Variants in ADA observed in about 807,000 individuals in gnomAD.
ADA encodes adenosine deaminase.
In ADA, 45 loss-of-function variants were observed where a neutral mutation model predicts 49.0. The observed-to-expected ratio is 0.92, with a 90% CI of 0.72 to 1.18. The LOEUF is 1.18. ADA is among the 50% of genes most tolerant of loss of function. ADA has a pLI of 0.00. For missense variants in ADA, 445 were observed against 472.5 expected (o/e 0.94, Z 0.54); for synonymous variants, 173 against 184.2 (o/e 0.94, Z 0.49).
Position 44,620,629 on chromosome 20 carries a change from C to T in ADA, c.976-228G>A, listed in dbSNP as rs187300129. On this transcript the variant is annotated intron_variant, in intron 10 of 11. Coordinates refer to ENST00000372874, the MANE Select transcript of ADA (RefSeq NM_000022.4). ...GCTGTGAGAAGGAAGTTGGAGAAACCTTTGAGAGACAGGGTGGCATGTAGG... is the reference window on the plus strand; with the variant it reads ...GCTGTGAGAAGGAAGTTGGAGAAACTTTTGAGAGACAGGGTGGCATGTAGG... 911 of 608,752 alleles carry T rather than the reference C, an allele frequency of 1.5e-3. 9 individuals are homozygous for T. The African/African-American group carries it at 0.015, about 10-fold the overall frequency. 37.7% of individuals were successfully genotyped at this position (608,752 alleles called of 1,614,324 possible). A position where few individuals can be genotyped will look rare whatever the true frequency, so the allele number is the denominator to read the frequency against.
At chr20:44,643,380 G>T (rs944565010) in intron 1 of ADA, among the ~76,000 whole-genome samples, 1 of 152,182 alleles carries the variant, frequency 6.6e-6, no homozygotes, top group African/African-American at 2.4e-5. Context: ...CCACTCTACT[G>T]TACTGCCTCT....
chr20:44,642,302 G>GCCT (rs1351493416), intron 1 of ADA, among the ~76,000 whole-genome samples: 6 of 152,220 alleles, frequency 3.9e-5, no homozygotes, highest in Non-Finnish European at 8.8e-5. Flanking sequence ...GCACAAGGTA[G>GCCT]CCTCTCCTGC....
intron 1 of ADA, among the ~76,000 whole-genome samples, chr20:44,641,832 A>G (rs2065538564): frequency 6.6e-6 from 1 of 150,808 alleles, no homozygotes; most frequent in Non-Finnish European, 1.5e-5. Context: ...CAGTGGCAAG[A>G]TCTCAGCTCA....
chr20:44,622,219 G>A (rs2065338801), intron 9 of ADA, among the ~76,000 whole-genome samples: 1 of 152,252 alleles, frequency 6.6e-6, no homozygotes, highest in Non-Finnish European at 1.5e-5. Context: ...CCAAGGGCCA[G>A]GTGTCAGGAA....
chr20:44,629,179 A>G lies in ADA; in HGVS notation c.96-10T>C. ...GGCGATCCCTCTCCTCCTGGAAACAAAACAGTGAGTGGTGGACCAACCCGG... is the reference window on the plus strand; with the variant it reads ...GGCGATCCCTCTCCTCCTGGAAACAGAACAGTGAGTGGTGGACCAACCCGG... On this transcript the variant is annotated splice_polypyrimidine_tract_variant and intron_variant, in intron 2 of 11. Coordinates refer to ENST00000372874, the MANE Select transcript of ADA (RefSeq NM_000022.4). 2 of 1,614,148 alleles carry G rather than the reference A, an allele frequency of 1.2e-6. No homozygotes were observed. The highest frequency in any genetic ancestry group is 2.2e-5 in the East Asian group (1 of 44,868).
chr20:44,619,644 C>T lies in ADA; in HGVS notation c.*190G>A, dbSNP rs2065308460. ...AGGGCGCTGGTCCCTGGCCAGGGCA[C>T]ATAATCAGAGAAGTGACGCGGCCAT... On this transcript the variant is annotated 3_prime_UTR_variant, in exon 12 of 12. Transcript: ENST00000372874. 1.4e-6 allele frequency: 1 copy of T among 709,044 alleles called. No individual in the cohort carries two copies. The highest frequency in any genetic ancestry group is 2.4e-6 in the Non-Finnish European group (1 of 413,222). The allele number at this position is 709,044 out of a possible 1,614,324, so 43.9% of individuals were successfully genotyped here.
chr20:44,634,324 A>T (rs2065460364), intron 2 of ADA, among the ~76,000 whole-genome samples: 1 of 152,234 alleles, frequency 6.6e-6, no homozygotes, highest in African/African-American at 2.4e-5. Context: ...ATTAATAAGA[A>T]TATTATCATT....
At chr20:44,651,521 C>T (rs1004460094) in intron 1 of ADA, 54 bp downstream of exon 1, 2 of 1,514,910 alleles carry the variant, frequency 1.3e-6, no homozygotes, top group Non-Finnish European at 8.8e-7. Flanking sequence ...CGCTAAGCCC[C>T]TCGGGCCGCC....
In ADA at chr20:44,620,428, A is replaced by G. The variant is rs1269167993; in HGVS notation, c.976-27T>C. 53 of 1,586,838 alleles carry G rather than the reference A, an allele frequency of 3.3e-5. No homozygotes were observed. The East Asian group carries it at 9.8e-4, about 29-fold the overall frequency. On this transcript the variant is annotated intron_variant, in intron 10 of 11. Coordinates refer to ENST00000372874, the MANE Select transcript of ADA (RefSeq NM_000022.4). ...TGGAAAGGCCAGAATGGCAGACAAC[A>G]TGGAACCAGAGAACAAAGAAGGCAG...
At chr20:44,638,847 G>A (rs1207708353) in intron 1 of ADA, among the ~76,000 whole-genome samples, 2 of 152,222 alleles carry the variant, frequency 1.3e-5, no homozygotes, top group South Asian at 2.1e-4. Flanking sequence ...GAGCCTGAGC[G>A]AAAAGCTAGA....
intron 6 of ADA, among the ~76,000 whole-genome samples, chr20:44,623,711 CTCTCTTTCTT>C (rs2065354304): frequency 6.7e-6 from 1 of 150,122 alleles, no homozygotes; most frequent in South Asian, 2.1e-4. Flanking sequence ...TCCTTCCTTC[CTCTCTTTCTT>C]TCTCTTTCTT....
chr20:44,650,877 G>A (rs903950103), intron 1 of ADA, among the ~76,000 whole-genome samples: 4 of 152,144 alleles, frequency 2.6e-5, no homozygotes, highest in Non-Finnish European at 4.4e-5. Flanking sequence ...AGGCCAAGGG[G>A]GTCCAGACCC....
chr20:44,640,435 T>C (rs2065521220), intron 1 of ADA, among the ~76,000 whole-genome samples: 1 of 143,902 alleles, frequency 6.9e-6, no homozygotes, highest in Admixed American at 7.0e-5. Flanking sequence ...TATTAACTTA[T>C]GGCGGGTGGA....
intron 1 of ADA, among the ~76,000 whole-genome samples, chr20:44,647,810 C>T (rs1200585655): frequency 1.3e-5 from 2 of 151,364 alleles, no homozygotes; most frequent in East Asian, 2.0e-4. Context: ...CCAGCTACTC[C>T]GGAGGCTGAG....
intron 10 of ADA, chr20:44,620,811 A>C: frequency 1.5e-6 from 1 of 666,980 alleles, no homozygotes; most frequent in Non-Finnish European, 2.6e-6. Context: ...AAGGCACTCA[A>C]CCCAAGCAAA....
Position 44,651,621 on chromosome 20 carries a change from GC to G in ADA, c.-15del. The G allele has an allele frequency of 6.5e-7, 1 of 1,527,446 alleles. No homozygotes were observed. Among genetic ancestry groups the G allele is most frequent in the Non-Finnish European group, 8.7e-7 (1 of 1,144,696 alleles). 94.6% of individuals were successfully genotyped at this position (1,527,446 alleles called of 1,614,324 possible). A position where few individuals can be genotyped will look rare whatever the true frequency, so the allele number is the denominator to read the frequency against. ...CGTCTGGGCCATGGTGCCCTCGTGC[GC>G]CCCGGCGCTGCTCCCTCCGCCGCCG... On this transcript the variant is annotated 5_prime_UTR_variant, in exon 1 of 12. Transcript: ENST00000372874.
intron 1 of ADA, among the ~76,000 whole-genome samples, chr20:44,644,608 C>T (rs916614489): frequency 1.3e-5 from 2 of 152,238 alleles, no homozygotes; most frequent in African/African-American, 4.8e-5. Context: ...TGGTGATGAG[C>T]TGGGCAGTGC....
At chr20:44,637,281 GAGCCT>G (rs1568851991) in intron 1 of ADA, among the ~76,000 whole-genome samples, 1 of 152,152 alleles carries the variant, frequency 6.6e-6, no homozygotes, top group Admixed American at 6.6e-5. Flanking sequence ...TGACCTCTCT[GAGCCT>G]CAGTTTCCTC....
intron 4 of ADA, 57 bp from the exon 5 acceptor site, chr20:44,625,741 G>C: frequency 2.1e-6 from 3 of 1,398,100 alleles, no homozygotes. Flanking sequence ...CTAAAGGGCA[G>C]CTCTGGGACT....
Sources: gnomAD v4.1 joint callset for allele counts (sites outside exome capture counted in the v4.1 genomes callset) on GRCh38, gnomAD v4.1.1 for gene constraint, MANE v1.5 for transcripts, NCBI Gene and HGNC (gene_info 2026-07-23, HGNC 2026-07-21) for gene names.